SLC39A4: variants seen among roughly 807,000 people sequenced by gnomAD.
SLC39A4 encodes solute carrier family 39 member 4.
In SLC39A4, 49 loss-of-function variants were observed where a neutral mutation model predicts 56.6. That is an observed-to-expected ratio of 0.87 (90% confidence interval 0.69 to 1.10). The LOEUF (loss-of-function observed/expected upper bound fraction) is 1.10, where lower values mean the gene tolerates loss of function less well. Ranked by LOEUF, SLC39A4 falls within the 50% of genes least tolerant of loss-of-function variation. The pLI, the probability that SLC39A4 is intolerant of heterozygous loss-of-function variation, is 0.00. For missense variants in SLC39A4, 993 were observed against 864.2 expected (o/e 1.15, Z -1.87); for synonymous variants, 540 against 420.4 (o/e 1.28, Z -3.48).
chr8:144,415,391 T>C lies in SLC39A4; in HGVS notation c.503A>G (p.Glu168Gly). 6.2e-7 allele frequency: 1 copy of C among 1,606,476 alleles called. No homozygotes were observed. Among genetic ancestry groups the C allele is most frequent in the Non-Finnish European group, 8.5e-7 (1 of 1,177,314 alleles). Reference sequence around the variant, plus strand: ...CGGAGCCCCCGCCCCCACCGCCTCCTCCAGCAGCTGAGGGATATCTACGCA... The same window carrying C: ...CGGAGCCCCCGCCCCCACCGCCTCCCCCAGCAGCTGAGGGATATCTACGCA... The part of the protein sequence containing the change: ...MACVDIPQLL[E>G]EAVGAGAPGS... The change falls in exon 3 of 12, where the codon GAG becomes GGG. Residue 168 changes from glutamate (E) to glycine (G), a missense_variant. Physicochemically the swap from Glu to Gly is moderately conservative, Grantham distance 98. Transcript: ENST00000301305.
chr8:144,416,769 C>T lies in SLC39A4; in HGVS notation c.21G>A (p.Leu7=). The change falls in exon 1 of 12, where the codon CTG becomes CTA. Residue 7 remains leucine (L), a synonymous_variant. Transcript: ENST00000301305. The part of the protein sequence containing the change: MASLVS[L]ELGLLLAVLV... The stretch of plus-strand genomic sequence containing the variant: ...GCACAGCCAGAAGCAGCCCCAGCTC[C>T]AGCGAGACCAGGGACGCCATACTCA... 2 of 1,612,526 alleles carry T rather than the reference C, an allele frequency of 1.2e-6. No individual in the cohort carries two copies. Among genetic ancestry groups the T allele is most frequent in the South Asian group, 1.1e-5 (1 of 91,022 alleles).
Position 144,414,134 on chromosome 8 carries a change from G to A in SLC39A4, c.1150-39C>T, listed in dbSNP as rs202068885. 250 of 1,555,644 alleles carry A rather than the reference G, an allele frequency of 1.6e-4. 2 individuals carry two copies. The East Asian group carries it at 4.8e-3, about 30-fold the overall frequency. On this transcript the variant is annotated intron_variant, in intron 6 of 11. Transcript: ENST00000301305. ...GCGCTGGGCTGGGGGGGAGGTCCCA[G>A]GGCGCCTCCCACCAAGACCCAGGGA...
At position 144,412,436 on chromosome 8, in the gene SLC39A4, C is replaced by T. The variant is rs1364915850; in HGVS notation, c.*102G>A. On this transcript the variant is annotated 3_prime_UTR_variant, in exon 12 of 12. Coordinates refer to ENST00000301305, the MANE Select transcript of SLC39A4 (RefSeq NM_130849.4). ...TGCTCCAAGGACAAGAGTGTCTTTA[C>T]TGGAGTTGGGACTGGGGCCTCTATA... 1.3e-6 allele frequency: 2 copies of T among 1,583,050 alleles called. No homozygotes were observed. Among genetic ancestry groups the T allele is most frequent in the Non-Finnish European group, 1.7e-6 (2 of 1,154,292 alleles).
rs781982424 is a variant in SLC39A4 at position 144,415,959 on chromosome 8, C to T, written c.325G>A (p.Gly109Ser). 12 of 1,595,424 alleles carry T rather than the reference C, an allele frequency of 7.5e-6. No homozygotes were observed. Among genetic ancestry groups the T allele is most frequent in the Admixed American group, 3.5e-5 (2 of 57,448 alleles). Residue 109 changes from glycine to serine, a missense_variant, in exon 2 of 12, where the codon GGC becomes AGC. Transcript: ENST00000301305. ...AAVLYLSNPE[G>S]TCEDARAGLW... is the part of the protein sequence containing the mutation. The stretch of plus-strand genomic sequence containing the variant: ...CCAGCCCGAGCGTCCTCACAGGTGC[C>T]CTCGGGGTTGCTGAGGTACAGGACG...
At chr8:144,413,728 G>A (rs1822010914) in intron 8 of SLC39A4, 22 bp downstream of exon 8, 4 of 1,534,848 alleles carry the variant, frequency 2.6e-6, no homozygotes, top group Non-Finnish European at 3.5e-6. Context: ...CGCGTGGGAT[G>A]GGGCATCTGG....
Position 144,413,567 on chromosome 8 carries a change from C to T in SLC39A4, c.1420G>A (p.Val474Met), listed in dbSNP as rs782506410. The T allele has an allele frequency of 4.3e-5, 67 of 1,552,386 alleles. No homozygotes were observed. Among genetic ancestry groups the T allele is most frequent in the Non-Finnish European group, 8.7e-7 (1 of 1,148,088 alleles). ...PPHEGSRADL[V>M]AEESPELLNP... ...AGCAGCTCCGGGCTCTCCTCCGCCA[C>T]CTGGGAGGAGCCTTGAGTAAGTCCC... Residue 474 changes from valine to methionine, a missense_variant and splice_region_variant, in exon 9 of 12, where the codon GTG becomes ATG. Val to Met is a conservative substitution (Grantham distance 21, BLOSUM62 1). Coordinates refer to ENST00000301305, the MANE Select transcript of SLC39A4 (RefSeq NM_130849.4).
In SLC39A4 at chr8:144,413,398, G is replaced by C. The variant is rs1355655356; in HGVS notation, c.1475-9C>G. On this transcript the variant is annotated splice_polypyrimidine_tract_variant and intron_variant, in intron 9 of 11. Coordinates refer to ENST00000301305, the MANE Select transcript of SLC39A4 (RefSeq NM_130849.4). ...GGGCAGTAGCCTCAACTCTGCGGGC[G>C]CAGAGGCCCGTGGGTTCGCGTGGCC... is the stretch of plus-strand genomic sequence containing the variant. 1 of 1,607,932 alleles carries C rather than the reference G, an allele frequency of 6.2e-7. No individual in the cohort carries two copies. The highest frequency in any genetic ancestry group is 1.1e-5 in the South Asian group (1 of 90,318).
chr8:144,413,960 C>T lies in SLC39A4; in HGVS notation c.1285G>A (p.Glu429Lys). 2 of 1,610,836 alleles carry T rather than the reference C, an allele frequency of 1.2e-6. No homozygotes were observed. Among genetic ancestry groups the T allele is most frequent in the Non-Finnish European group, 1.7e-6 (2 of 1,178,882 alleles). ...LFNLLLPRDP[E>K]DLEDGPCGHS... ...GGTACCTTCCCAAGAAGCCTGACCT[C>T]CGGGTCCCTGGGCAGCAGGAGATTG... The change falls in exon 7 of 12, where the codon GAG becomes AAG. Residue 429 changes from glutamate (E) to lysine (K), a missense_variant and splice_region_variant. By Grantham distance (56) the Glu-to-Lys change is moderately conservative. Coordinates refer to ENST00000301305, the MANE Select transcript of SLC39A4 (RefSeq NM_130849.4).
At chr8:144,415,690 C>T (rs1257274698) in intron 2 of SLC39A4, 120 bp downstream of exon 2, 23 of 1,389,462 alleles carry the variant, frequency 1.7e-5, no homozygotes, top group Middle Eastern at 2.6e-4. Context: ...AGCCGCAGGC[C>T]GACTCCTGGG....
Position 144,415,887 on chromosome 8 carries a change from G to A in SLC39A4, c.397C>T (p.Pro133Ser). ...ADHLLALLESPKALTPGLSWL... is the reference protein window; with the variant it reads ...ADHLLALLESSKALTPGLSWL... ...CTCAGGCCCGGGGTCAGGGCCTTGGGGCTCTCGAGCAGGGCCAGGAGGTGG... is the reference window on the plus strand; with the variant it reads ...CTCAGGCCCGGGGTCAGGGCCTTGGAGCTCTCGAGCAGGGCCAGGAGGTGG... Residue 133 changes from proline (P) to serine (S), a missense_variant, in exon 2 of 12, where the codon CCC (proline) becomes TCC (serine). Pro to Ser is a moderately conservative substitution (Grantham distance 74). Transcript: ENST00000301305. 1.3e-6 allele frequency: 2 copies of A among 1,596,472 alleles called. No individual in the cohort carries two copies. The highest frequency in any genetic ancestry group is 2.3e-5 in the East Asian group (1 of 44,414).
rs4355816 is a variant in SLC39A4 at position 144,416,008 on chromosome 8, G to A, written c.276C>T (p.Tyr92=). 4.7e-3 allele frequency: 7,456 copies of A among 1,579,852 alleles called. 400 individuals are homozygous for A. The Admixed American group carries it at 0.11, about 22-fold the overall frequency. ...CGGCGGCGGCACTGAGGCGGGCGAC[G>A]TACCTGGCCTCCAGGACCGGGCCCG... is the stretch of plus-strand genomic sequence containing the variant. ...LPPGPVLEAR[Y]VARLSAAAVL... Residue 92 remains tyrosine (Y), a synonymous_variant, in exon 2 of 12, where the codon TAC becomes TAT. Transcript: ENST00000301305.
At chr8:144,415,685 C>T in intron 2 of SLC39A4, 125 bp downstream of exon 2, 2 of 1,379,764 alleles carry the variant, frequency 1.4e-6, no homozygotes, top group Admixed American at 2.8e-5. Flanking sequence ...TCCCCAGCCG[C>T]AGGCCGACTC....
At position 144,415,879 on chromosome 8, in the gene SLC39A4, G is replaced by A. The variant is rs1554873819; in HGVS notation, c.405C>T (p.Ala135=). 1 of 1,596,862 alleles carries A rather than the reference G, an allele frequency of 6.3e-7. No homozygotes were observed. The highest frequency in any genetic ancestry group is 8.5e-7 in the Non-Finnish European group (1 of 1,174,764). Residue 135 remains alanine, a synonymous_variant, in exon 2 of 12, where the codon GCC becomes GCT. Coordinates refer to ENST00000301305, the MANE Select transcript of SLC39A4 (RefSeq NM_130849.4). ...HLLALLESPK[A]LTPGLSWLLQ... ...GCAGCCAGCTCAGGCCCGGGGTCAG[G>A]GCCTTGGGGCTCTCGAGCAGGGCCA... is the stretch of plus-strand genomic sequence containing the variant.
chr8:144,414,468 C>T (rs781852768), intron 5 of SLC39A4, 34 bp from the exon 6 acceptor site: 1 of 1,549,188 alleles, frequency 6.5e-7, no homozygotes, highest in Non-Finnish European at 8.7e-7. Context: ...GAGAGCTTTT[C>T]TTCCAGACTC....
chr8:144,415,496 C>G (rs1460333752), intron 2 of SLC39A4, 77 bp from the exon 3 acceptor site: 1 of 1,451,338 alleles, frequency 6.9e-7, no homozygotes, highest in East Asian at 2.5e-5. Flanking sequence ...GGATGCATCT[C>G]CCACCCCAAC....
Position 144,415,336 on chromosome 8 carries a change from C to T in SLC39A4, c.558G>A (p.Leu186=). Residue 186 remains leucine, a synonymous_variant, in exon 3 of 12, where the codon CTG becomes CTA. Transcript: ENST00000301305. ...PGSAGGVLAA[L]LDHVRSGSCF... is the part of the protein sequence containing the mutation. ...AAGACCCGCTCCTGACATGGTCCAG[C>T]AGGGCAGCCAGGACGCCGCCAGCAC... 1 of 1,612,202 alleles carries T rather than the reference C, an allele frequency of 6.2e-7. No homozygotes were observed. Among genetic ancestry groups the T allele is most frequent in the Non-Finnish European group, 8.5e-7 (1 of 1,179,582 alleles).
In SLC39A4 at chr8:144,413,584, G is replaced by T. The variant is rs1379095662; in HGVS notation, c.1420-17C>A. On this transcript the variant is annotated splice_polypyrimidine_tract_variant and intron_variant, in intron 8 of 11. Coordinates refer to ENST00000301305, the MANE Select transcript of SLC39A4 (RefSeq NM_130849.4). ...CTCCGCCACCTGGGAGGAGCCTTGA[G>T]TAAGTCCCGCCCGGAAGTGGAGGAG... The T allele has an allele frequency of 6.4e-7, 1 of 1,550,444 alleles. No individual in the cohort carries two copies. Among genetic ancestry groups the T allele is most frequent in the African/African-American group, 1.4e-5 (1 of 73,220 alleles).
At position 144,412,913 on chromosome 8, in the gene SLC39A4, G is replaced by C. The variant is rs781888780; in HGVS notation, c.1661C>G (p.Ser554Cys). ...DFAALLHAGL[S>C]VRQALLLNLA... ...GTTCAGCAGCAGTGCTTGGCGCACG[G>C]ACAGCCCCGCGTGCAGCAAGGCGGC... The change falls in exon 11 of 12, where the codon TCC becomes TGC. Residue 554 changes from serine to cysteine, a missense_variant. Physicochemically the swap from Ser to Cys is moderately radical, Grantham distance 112. Transcript: ENST00000301305. 1.2e-5 allele frequency: 20 copies of C among 1,607,874 alleles called. No homozygotes were observed. Among genetic ancestry groups the C allele is most frequent in the Non-Finnish European group, 1.7e-5 (20 of 1,179,490 alleles).
At chr8:144,415,727 G>A (rs1002550857) in intron 2 of SLC39A4, 83 bp downstream of exon 2, 76 of 1,451,522 alleles carry the variant, frequency 5.2e-5, no homozygotes, top group Middle Eastern at 2.5e-4. Context: ...CAGGCTCCCC[G>A]AAGGCTTTGC....
Sources: allele counts gnomAD v4.1 joint callset, GRCh38; gene constraint gnomAD v4.1.1; transcripts MANE v1.5; gene names NCBI Gene and HGNC (gene_info 2026-07-23, HGNC 2026-07-21).